MPHOSPH9: variants seen among roughly 807,000 people sequenced by gnomAD.
The protein encoded by MPHOSPH9 is M-phase phosphoprotein 9.
In MPHOSPH9, 88 loss-of-function variants were observed where a neutral mutation model predicts 145.5. That is an observed-to-expected ratio of 0.60 (90% CI 0.51 to 0.72). MPHOSPH9 has a LOEUF of 0.72. Among genes scored for constraint, MPHOSPH9 ranks in the 30% least tolerant of loss-of-function variants. The probability of loss-of-function intolerance (pLI) is 0.00; values close to 1 mark genes in which losing one functional copy is unlikely to be tolerated. For missense variants in MPHOSPH9, 1,238 were observed against 1,386.6 expected (o/e 0.89, Z 1.70); for synonymous variants, 435 against 486.2 (o/e 0.89, Z 1.39).
intron 2 of MPHOSPH9, among the ~76,000 whole-genome samples, chr12:123,229,608 C>A (rs1051174473): frequency 6.6e-6 from 1 of 152,084 alleles, no homozygotes; most frequent in African/African-American, 2.4e-5. Context: ...TTGTCCCAAT[C>A]ATTTAAAAAT....
At chr12:123,169,834 C>A (rs112406620) in intron 16 of MPHOSPH9, among the ~76,000 whole-genome samples, 3,410 of 152,122 alleles carry the variant, frequency 0.022, 81 homozygotes, top group South Asian at 0.099. Context: ...AAGTGATCTG[C>A]CCACCTTGGC....
chr12:123,205,735 G>A (rs2046398356), intron 8 of MPHOSPH9, among the ~76,000 whole-genome samples: 1 of 152,160 alleles, frequency 6.6e-6, no homozygotes, highest in South Asian at 2.1e-4. Context: ...GAATAGAAAA[G>A]TACCACTTTT....
At chr12:123,196,353 C>CA (rs1405343907) in intron 12 of MPHOSPH9, among the ~76,000 whole-genome samples, 4 of 151,824 alleles carry the variant, frequency 2.6e-5, no homozygotes, top group African/African-American at 9.7e-5. Context: ...TCCATCTCAA[C>CA]AAAAAAACAA....
At chr12:123,161,982 C>T in intron 21 of MPHOSPH9, 133 bp downstream of exon 21, 1 of 497,568 alleles carries the variant, frequency 2.0e-6, no homozygotes. Flanking sequence ...ATCATGAGTG[C>T]TTAGTTTCAG....
upstream of MPHOSPH9, among the ~76,000 whole-genome samples, chr12:123,235,772 A>G (rs887169710): frequency 2.0e-5 from 3 of 151,846 alleles, no homozygotes; most frequent in Non-Finnish European, 2.9e-5. Context: ...CTTTTTAAAA[A>G]GAGAAAGTTG....
chr12:123,166,872 A>C (rs1593073834), intron 16 of MPHOSPH9, 83 bp from the exon 17 acceptor site: 2 of 1,412,464 alleles, frequency 1.4e-6, no homozygotes, highest in East Asian at 2.4e-5. Context: ...ATCTGCTCTC[A>C]AACAGTATTT....
intron 12 of MPHOSPH9, among the ~76,000 whole-genome samples, chr12:123,195,529 C>T (rs910209947): frequency 4.0e-5 from 6 of 150,826 alleles, no homozygotes; most frequent in Non-Finnish European, 5.9e-5. Context: ...GAGGTGGCAA[C>T]GAGCCGAGAT....
At chr12:123,194,152 C>T (rs984590014) in intron 13 of MPHOSPH9, among the ~76,000 whole-genome samples, 3 of 152,026 alleles carry the variant, frequency 2.0e-5, no homozygotes, top group Non-Finnish European at 4.4e-5. Flanking sequence ...TCCTGTAATT[C>T]CAGCTACTTG....
At chr12:123,178,818 C>G (rs757005172) in intron 15 of MPHOSPH9, among the ~76,000 whole-genome samples, 48 of 152,180 alleles carry the variant, frequency 3.2e-4, no homozygotes, top group Non-Finnish European at 5.3e-4. Flanking sequence ...GCCACTGCAC[C>G]CAGCCCAGTT....
rs141871291 is a variant in MPHOSPH9 at position 123,193,637 on chromosome 12, A to G, written c.2241+749T>C. ...TTTCTAAGAACAAAAAGAAAGAAAAATTTAGAAAAAAATAAGCAACCTGAA... is the reference window on the plus strand; with the variant it reads ...TTTCTAAGAACAAAAAGAAAGAAAAGTTTAGAAAAAAATAAGCAACCTGAA... On this transcript the variant is annotated intron_variant, in intron 13 of 23. Coordinates refer to ENST00000606320, the MANE Select transcript of MPHOSPH9 (RefSeq NM_022782.4). 1.6e-4 allele frequency among the ~76,000 whole-genome samples: 24 copies of G among 152,230 alleles called. No homozygotes were observed. In the East Asian group the frequency reaches 4.3e-3, roughly 27 times the overall value.
intron 3 of MPHOSPH9, 85 bp downstream of exon 3, chr12:123,227,378 T>C: frequency 6.5e-6 from 7 of 1,077,210 alleles, no homozygotes; most frequent in Non-Finnish European, 8.8e-6. Flanking sequence ...CTTCAGGACA[T>C]AAATTTCTAA....
intron 2 of MPHOSPH9, among the ~76,000 whole-genome samples, chr12:123,228,754 T>C (rs2047527467): frequency 6.6e-6 from 1 of 152,214 alleles, no homozygotes; most frequent in Admixed American, 6.5e-5. Flanking sequence ...AATAATCAAG[T>C]TTAAATGTGG....
chr12:123,162,990 A>G, intron 20 of MPHOSPH9, 24 bp downstream of exon 20: 1 of 1,528,240 alleles, frequency 6.5e-7, no homozygotes, highest in Non-Finnish European at 8.7e-7. Flanking sequence ...AGTAAACTTT[A>G]TTCTACAATT....
chr12:123,222,796 C>T (rs1366914826), intron 4 of MPHOSPH9, among the ~76,000 whole-genome samples: 2 of 151,954 alleles, frequency 1.3e-5, no homozygotes, highest in African/African-American at 2.4e-5. Context: ...ATTAGCTGGG[C>T]GTGTTGGCAG....
At chr12:123,171,161 A>G (rs1346689258) in intron 16 of MPHOSPH9, among the ~76,000 whole-genome samples, 1 of 152,188 alleles carries the variant, frequency 6.6e-6, no homozygotes, top group Non-Finnish European at 1.5e-5. Context: ...AAAATACAAA[A>G]TATCAGCCGG....
At chr12:123,198,482 G>A (rs1219268985) in intron 11 of MPHOSPH9, 148 bp from the exon 12 acceptor site, 2 of 675,814 alleles carry the variant, frequency 3.0e-6, no homozygotes, top group Non-Finnish European at 4.9e-6. Flanking sequence ...ATAGAATATA[G>A]CCCAATGAAT....
intron 7 of MPHOSPH9, among the ~76,000 whole-genome samples, chr12:123,211,664 T>C (rs1451028388): frequency 1.3e-5 from 2 of 150,452 alleles, no homozygotes; most frequent in Non-Finnish European, 1.5e-5. Context: ...CCTTAAAATA[T>C]ATTTTAAAAT....
chr12:123,228,030 C>G (rs2047495653), intron 2 of MPHOSPH9, among the ~76,000 whole-genome samples: 1 of 152,136 alleles, frequency 6.6e-6, no homozygotes, highest in Non-Finnish European at 1.5e-5. Flanking sequence ...AAATCTTGTT[C>G]ACTGGACACC....
At chr12:123,181,029 T>G in intron 14 of MPHOSPH9, 134 bp downstream of exon 14, 4 of 786,002 alleles carry the variant, frequency 5.1e-6, no homozygotes, top group Non-Finnish European at 8.8e-6. Flanking sequence ...TGAAACAGGA[T>G]AAGCAAGGTT....
Sources: gnomAD v4.1 joint callset for allele counts (sites outside exome capture counted in the v4.1 genomes callset) on GRCh38, gnomAD v4.1.1 for gene constraint, MANE v1.5 for transcripts, NCBI Gene and HGNC (gene_info 2026-07-23, HGNC 2026-07-21) for gene names.